Variants in NUBPL observed in about 807,000 individuals in gnomAD.
NUBPL encodes the protein NUBP iron-sulfur cluster assembly factor, mitochondrial, also known as iron-sulfur cluster transfer protein NUBPL.
A neutral mutation model predicts 45.7 loss-of-function variants in NUBPL; 31 were observed. That is an observed-to-expected ratio of 0.68 (90% CI 0.51 to 0.92). The LOEUF (loss-of-function observed/expected upper bound fraction) is 0.92. Ranked by LOEUF, NUBPL falls within the 40% of genes least tolerant of loss-of-function variation. NUBPL has a pLI of 0.00. For missense variants in NUBPL, 401 were observed against 398.7 expected (o/e 1.01, Z -0.05); for synonymous variants, 144 against 140.9 (o/e 1.02, Z -0.15).
chr14:31,668,119 G>C (rs1026369310), intron 4 of NUBPL: 1 of 152,358 alleles, frequency 6.6e-6, no homozygotes. Context: ...CTTCAGAGTC[G>C]GCAGGCAGGA....
intron 4 of NUBPL, chr14:31,654,267 T>G (rs2036085490): frequency 3.8e-6 from 1 of 261,236 alleles, no homozygotes; most frequent in Non-Finnish European, 8.0e-6. Context: ...ATTTTATTAC[T>G]TAAAAATGCT....
chr14:31,826,462 A>G (rs527686833), intron 7 of NUBPL, among the ~76,000 whole-genome samples, 167 bp from the exon 8 acceptor site: 131 of 152,264 alleles, frequency 8.6e-4, no homozygotes, highest in African/African-American at 3.0e-3. Flanking sequence ...GTAGGCCAAA[A>G]CAAAGTCGAC....
At chr14:31,600,513 C>T (rs1204156508) in intron 4 of NUBPL, among the ~76,000 whole-genome samples, 2 of 152,198 alleles carry the variant, frequency 1.3e-5, no homozygotes, top group Non-Finnish European at 2.9e-5. Flanking sequence ...GCAAACTTTA[C>T]ACAAGACTGT....
intron 7 of NUBPL, among the ~76,000 whole-genome samples, chr14:31,809,700 C>A (rs1287102628): frequency 6.6e-6 from 1 of 152,132 alleles, no homozygotes; most frequent in Non-Finnish European, 1.5e-5. Flanking sequence ...TTCTTTTAAT[C>A]GTGATGTTAG....
At chr14:31,569,007 A>G (rs2033511210) in intron 3 of NUBPL, among the ~76,000 whole-genome samples, 1 of 152,190 alleles carries the variant, frequency 6.6e-6, no homozygotes, top group East Asian at 1.9e-4. Context: ...TAGTAGCTCT[A>G]ATATAATGTA....
chr14:31,783,167 T>C (rs909653063), intron 6 of NUBPL, among the ~76,000 whole-genome samples: 7 of 152,174 alleles, frequency 4.6e-5, no homozygotes, highest in African/African-American at 1.7e-4. Flanking sequence ...TTTATAAGCA[T>C]AGGGTAATGA....
chr14:31,774,067 C>T (rs1011198657), intron 6 of NUBPL, among the ~76,000 whole-genome samples: 15 of 152,274 alleles, frequency 9.9e-5, no homozygotes, highest in African/African-American at 3.4e-4. Context: ...CCTTTCCATG[C>T]CCTTAGGATT....
chr14:31,654,804 G>T (rs1415185661), intron 4 of NUBPL, among the ~76,000 whole-genome samples: 1 of 152,168 alleles, frequency 6.6e-6, no homozygotes, highest in African/African-American at 2.4e-5. Flanking sequence ...AATGCTGTTT[G>T]ATAGCAGTTA....
At chr14:31,804,143 A>G (rs2039642300) in intron 7 of NUBPL, among the ~76,000 whole-genome samples, 2 of 152,162 alleles carry the variant, frequency 1.3e-5, no homozygotes, top group South Asian at 4.1e-4. Context: ...AAGGGACATA[A>G]TTTCTGCCCT....
Position 31,601,289 on chromosome 14 carries a change from A to G in NUBPL, c.382+1910A>G, listed in dbSNP as rs553159978. 4.6e-5 allele frequency among the ~76,000 whole-genome samples: 7 copies of G among 152,334 alleles called. No homozygotes were observed. In the South Asian group the frequency reaches 1.5e-3, roughly 32 times the overall value. On this transcript the variant is annotated intron_variant, in intron 4 of 10. Transcript: ENST00000281081. Reference sequence around the variant, plus strand: ...AAAGTAGTTTTTTCCAATTCTGTGAAGAAAGTCATTGGTAGCTTGATGGGG... The same window carrying G: ...AAAGTAGTTTTTTCCAATTCTGTGAGGAAAGTCATTGGTAGCTTGATGGGG...
intron 7 of NUBPL, among the ~76,000 whole-genome samples, chr14:31,812,154 A>G (rs1373168645): frequency 6.6e-6 from 1 of 152,218 alleles, no homozygotes; most frequent in East Asian, 1.9e-4. Context: ...CCATGCTGGG[A>G]GAACCACTGC....
chr14:31,594,321 G>A (rs1457872277), intron 3 of NUBPL, among the ~76,000 whole-genome samples: 2 of 152,184 alleles, frequency 1.3e-5, no homozygotes, highest in East Asian at 3.9e-4. Flanking sequence ...TCAAGACACT[G>A]AGGCGGGAGG....
chr14:31,846,455 T>C lies in NUBPL; in HGVS notation c.694-16T>C. The C allele has an allele frequency of 6.2e-7, 1 of 1,602,120 alleles. No homozygotes were observed. Among genetic ancestry groups the C allele is most frequent in the African/African-American group, 1.3e-5 (1 of 74,938 alleles). Reference sequence around the variant, plus strand: ...TGGTTTAATTTTATTTTGATTTCAGTGTGTTTTTATTCTAGGTCCTTGGCC... The same window carrying C: ...TGGTTTAATTTTATTTTGATTTCAGCGTGTTTTTATTCTAGGTCCTTGGCC... On this transcript the variant is annotated splice_polypyrimidine_tract_variant and intron_variant, in intron 8 of 10. Transcript: ENST00000281081.
At chr14:31,792,800 A>G (rs1326232998) in intron 7 of NUBPL, among the ~76,000 whole-genome samples, 1 of 152,164 alleles carries the variant, frequency 6.6e-6, no homozygotes, top group Admixed American at 6.6e-5. Context: ...TTAAAGCCTT[A>G]GTTCCTGAGG....
chr14:31,808,471 A>G (rs1447158911), intron 7 of NUBPL, among the ~76,000 whole-genome samples: 1 of 152,196 alleles, frequency 6.6e-6, no homozygotes, highest in Non-Finnish European at 1.5e-5. Context: ...TTGATTTTGT[A>G]TCCTGAGACT....
At chr14:31,707,579 G>A (rs1433929867) in intron 6 of NUBPL, among the ~76,000 whole-genome samples, 6 of 152,154 alleles carry the variant, frequency 3.9e-5, no homozygotes, top group South Asian at 2.1e-4. Flanking sequence ...GTCAGCAAAC[G>A]CTGATGATTC....
chr14:31,639,077 C>T (rs1319202061), intron 4 of NUBPL, among the ~76,000 whole-genome samples: 1 of 152,208 alleles, frequency 6.6e-6, no homozygotes, highest in Non-Finnish European at 1.5e-5. Flanking sequence ...AAGCCTTCTT[C>T]TCTCAGCTCG....
At chr14:31,616,794 T>G (rs2034913755) in intron 4 of NUBPL, among the ~76,000 whole-genome samples, 1 of 152,198 alleles carries the variant, frequency 6.6e-6, no homozygotes, top group African/African-American at 2.4e-5. Context: ...AGTAGGTTTT[T>G]TCTAATTCTT....
At chr14:31,829,441 A>G (rs1384685839) in intron 8 of NUBPL, among the ~76,000 whole-genome samples, 1 of 152,158 alleles carries the variant, frequency 6.6e-6, no homozygotes, top group Non-Finnish European at 1.5e-5. Context: ...CAGTTGGGCA[A>G]TCATGATTAG....
Sources: allele counts gnomAD v4.1 joint callset (sites outside exome capture counted in the v4.1 genomes callset), GRCh38; gene constraint gnomAD v4.1.1; transcripts MANE v1.5; gene names NCBI Gene and HGNC (gene_info 2026-07-23, HGNC 2026-07-21).